The following NKAIN2 variants were observed in gnomAD, a reference collection of about 807,000 sequenced individuals.
NKAIN2 encodes the protein sodium/potassium transporting ATPase interacting 2, also known as sodium/potassium-transporting ATPase subunit beta-1-interacting protein 2.
A neutral mutation model predicts 32.6 loss-of-function variants in NKAIN2; 14 were observed. That is an observed-to-expected ratio of 0.43 (90% CI 0.28 to 0.67). NKAIN2 has a LOEUF of 0.67. NKAIN2 is among the 30% of genes least tolerant of loss of function. NKAIN2 has a pLI of 0.17. For synonymous variants in NKAIN2, 80 were observed against 87.2 expected, an observed-to-expected ratio of 0.92 and a Z score of 0.46; for missense variants, 198 against 258.3, an observed-to-expected ratio of 0.77 and a Z score of 1.60.
intron 1 of NKAIN2, among the ~76,000 whole-genome samples, chr6:123,955,196 C>CAAAAAAAAAAAAAAAAA (rs5879708): frequency 3.8e-5 from 4 of 104,986 alleles, no homozygotes; most frequent in Non-Finnish European, 6.4e-5. Context: ...ACAGAAAAAC[C>CAAAAAAAAAAAAAAAAA]AAAAAAAAAA....
At chr6:124,348,878 C>T (rs760219439) in intron 2 of NKAIN2, among the ~76,000 whole-genome samples, 39 of 152,208 alleles carry the variant, frequency 2.6e-4, no homozygotes, top group Middle Eastern at 3.4e-3. Flanking sequence ...CCTGGAAAAT[C>T]GGGTCACTCC....
chr6:124,810,075 C>T (rs1191188371), intron 5 of NKAIN2, among the ~76,000 whole-genome samples: 10 of 152,034 alleles, frequency 6.6e-5, no homozygotes, highest in African/African-American at 1.4e-4. Flanking sequence ...GTCAGTGTGG[C>T]GATTCCTCAG....
intron 1 of NKAIN2, among the ~76,000 whole-genome samples, chr6:123,836,281 A>G (rs1240257789): frequency 1.3e-5 from 2 of 152,054 alleles, no homozygotes; most frequent in Admixed American, 6.6e-5. Context: ...TAATATATGA[A>G]AAGGGAAAAA....
chr6:124,771,863 G>A (rs567693740), intron 4 of NKAIN2, among the ~76,000 whole-genome samples: 3 of 152,226 alleles, frequency 2.0e-5, no homozygotes, highest in African/African-American at 7.2e-5. Flanking sequence ...TGAATGCAGT[G>A]GTTCTCCTTC....
intron 3 of NKAIN2, among the ~76,000 whole-genome samples, chr6:124,471,114 G>T (rs1402857122): frequency 6.6e-6 from 1 of 152,140 alleles, no homozygotes; most frequent in Non-Finnish European, 1.5e-5. Flanking sequence ...AACAGAAAAA[G>T]TTTGCCAACT....
chr6:124,270,785 G>A (rs1335502842), intron 1 of NKAIN2, among the ~76,000 whole-genome samples: 1 of 152,092 alleles, frequency 6.6e-6, no homozygotes, highest in East Asian at 1.9e-4. Flanking sequence ...TGATGTTTTT[G>A]TTTGTGTATA....
At chr6:124,324,965 G>A (rs1261853200) in intron 2 of NKAIN2, among the ~76,000 whole-genome samples, 6 of 151,682 alleles carry the variant, frequency 4.0e-5, no homozygotes, top group Admixed American at 2.6e-4. Flanking sequence ...AAGGATTTTT[G>A]CATCTATGAT....
intron 4 of NKAIN2, among the ~76,000 whole-genome samples, chr6:124,707,972 T>G (rs1047629091): frequency 6.7e-6 from 1 of 149,938 alleles, no homozygotes; most frequent in African/African-American, 2.4e-5. Context: ...TTTATGGTTT[T>G]AGGTCTAACG....
intron 2 of NKAIN2, among the ~76,000 whole-genome samples, chr6:124,321,341 A>T (rs1488636972): frequency 6.6e-6 from 1 of 152,108 alleles, no homozygotes; most frequent in Non-Finnish European, 1.5e-5. Context: ...CTAGGGGAAG[A>T]ATACCATTAG....
chr6:124,748,631 C>T (rs1179757676), intron 4 of NKAIN2, among the ~76,000 whole-genome samples: 2 of 151,850 alleles, frequency 1.3e-5, no homozygotes, highest in Non-Finnish European at 2.9e-5. Flanking sequence ...TAAATAAACA[C>T]GGAGGAAGTT....
At chr6:124,134,258 G>T (rs1786620473) in intron 1 of NKAIN2, among the ~76,000 whole-genome samples, 1 of 152,136 alleles carries the variant, frequency 6.6e-6, no homozygotes, top group Admixed American at 6.5e-5. Flanking sequence ...GCAGTGAAAA[G>T]ATTCAACAGT....
Position 123,942,324 on chromosome 6 carries a change from AAAAGAGTT to A in NKAIN2, c.54+138087_54+138094del, listed in dbSNP as rs562961511. Among the ~76,000 whole-genome samples the A allele has an allele frequency of 3.3e-3, 504 of 152,152 alleles. 3 individuals are homozygous for A. Among genetic ancestry groups the A allele is most frequent in the Non-Finnish European group, 5.1e-3 (348 of 67,952 alleles). ...TAATACTGATATTTAATAATTAAAT[AAAAGAGTT>A]AAAGAGTTAAAGAGTTTTCCTGCTT... On this transcript the variant is annotated intron_variant, in intron 1 of 6. Transcript: ENST00000368417.
At chr6:124,524,117 A>G (rs995348783) in intron 3 of NKAIN2, among the ~76,000 whole-genome samples, 4 of 152,186 alleles carry the variant, frequency 2.6e-5, no homozygotes, top group Non-Finnish European at 5.9e-5. Context: ...CTGTCTTGAC[A>G]ATGTTGTATT....
At chr6:124,674,661 G>T (rs1773269317) in intron 4 of NKAIN2, among the ~76,000 whole-genome samples, 1 of 151,842 alleles carries the variant, frequency 6.6e-6, no homozygotes, top group South Asian at 2.1e-4. Flanking sequence ...CAGATTATTT[G>T]CTGTTAATGT....
chr6:124,571,803 C>A lies in NKAIN2; in HGVS notation c.274-86383C>A, dbSNP rs137923797. ...CATTCCATTCTCTCTCCTTTGGCTT[C>A]TTTTCTTTTGCCTATAAACATTCAG... is the stretch of plus-strand genomic sequence containing the variant. On this transcript the variant is annotated intron_variant, in intron 3 of 6. Transcript: ENST00000368417. Among the ~76,000 whole-genome samples the A allele has an allele frequency of 3.3e-5, 5 of 152,284 alleles. No homozygotes were observed. In the East Asian group the frequency reaches 7.7e-4, roughly 24 times the overall value.
chr6:124,507,802 A>G (rs1778544831), intron 3 of NKAIN2, among the ~76,000 whole-genome samples: 1 of 152,128 alleles, frequency 6.6e-6, no homozygotes, highest in South Asian at 2.1e-4. Context: ...ATGGTACCAA[A>G]CCCGGGGACA....
intron 1 of NKAIN2, among the ~76,000 whole-genome samples, chr6:124,246,397 T>C (rs892164743): frequency 1.3e-5 from 2 of 152,072 alleles, no homozygotes; most frequent in African/African-American, 4.8e-5. Flanking sequence ...CCAAATCTTC[T>C]TGAAGGGGCC....
intron 3 of NKAIN2, among the ~76,000 whole-genome samples, chr6:124,397,695 A>G (rs1252350741): frequency 6.6e-6 from 1 of 152,060 alleles, no homozygotes; most frequent in African/African-American, 2.4e-5. Flanking sequence ...TCTCATGGAA[A>G]TTTGTCCTTA....
chr6:124,730,781 C>A (rs1159379112), intron 4 of NKAIN2, among the ~76,000 whole-genome samples: 28 of 151,780 alleles, frequency 1.8e-4, no homozygotes, highest in Admixed American at 1.6e-3. Context: ...GCAACCTACA[C>A]AATGGGAGAA....
Sources: gnomAD v4.1 joint callset for allele counts (sites outside exome capture counted in the v4.1 genomes callset) on GRCh38, gnomAD v4.1.1 for gene constraint, MANE v1.5 for transcripts, NCBI Gene and HGNC (gene_info 2026-07-23, HGNC 2026-07-21) for gene names.